GALNT14: variants seen among roughly 807,000 people sequenced by gnomAD.
GALNT14 encodes the protein polypeptide N-acetylgalactosaminyltransferase 14, also known as UDP-GalNAc:polypeptide N-acetylgalactosaminyltransferase 14.
A neutral mutation model predicts 77.5 loss-of-function variants in GALNT14; 60 were observed. The ratio of observed to expected loss-of-function variants is 0.77; its 90% confidence interval spans 0.63 to 0.96. The LOEUF is 0.96. Among genes scored for constraint, GALNT14 ranks in the 40% least tolerant of loss-of-function variants. GALNT14 has a pLI of 0.00. For missense variants in GALNT14, 710 were observed against 731.0 expected (o/e 0.97, Z 0.33); for synonymous variants, 280 against 281.7 (o/e 0.99, Z 0.06).
the GALNT14 span, among the ~76,000 whole-genome samples, chr2:30,888,912 C>A: frequency 8.6e-5 from 13 of 152,038 alleles, no homozygotes; most frequent in South Asian, 2.7e-3. Context: ...ATTGTCCCCC[C>A]CTCCACCCCC....
At chr2:30,927,004 A>AC (rs1553337972) in intron 11 of GALNT14, among the ~76,000 whole-genome samples, 6 of 151,318 alleles carry the variant, frequency 4.0e-5, no homozygotes, top group Admixed American at 3.3e-4. Context: ...TCCCCTTCCT[A>AC]TTTTTTTTTC....
At chr2:30,942,945 T>A (rs972489393) in intron 8 of GALNT14, among the ~76,000 whole-genome samples, 3 of 152,136 alleles carry the variant, frequency 2.0e-5, no homozygotes, top group Non-Finnish European at 4.4e-5. Context: ...ATGAGCCCAA[T>A]ATGACTGGTG....
intron 1 of GALNT14, among the ~76,000 whole-genome samples, chr2:31,048,595 C>A (rs6734168): frequency 0.02 from 2,805 of 137,466 alleles, 92 homozygotes; most frequent in African/African-American, 0.07. Flanking sequence ...TCCCCACCCC[C>A]ACTCCTGCCT....
At chr2:30,944,814 G>A in intron 8 of GALNT14, 44 bp downstream of exon 8, 1 of 1,454,604 alleles carries the variant, frequency 6.9e-7, no homozygotes, top group Non-Finnish European at 9.4e-7. Flanking sequence ...ACAGGATCCA[G>A]TGGTGATGGT....
At chr2:31,072,246 T>G (rs1675426187) in intron 1 of GALNT14, among the ~76,000 whole-genome samples, 1 of 142,662 alleles carries the variant, frequency 7.0e-6, no homozygotes, top group African/African-American at 2.8e-5. Flanking sequence ...GTATGTCTCC[T>G]CTCTTTTCTC....
At chr2:30,907,308 G>T (rs915761401), downstream of GALNT14, among the ~76,000 whole-genome samples, 3 of 151,734 alleles carry the variant, frequency 2.0e-5, no homozygotes, top group Admixed American at 2.0e-4. Context: ...TTGATAGACC[G>T]CTAGCAAGAC....
At chr2:31,108,056 C>T (rs1290561900) in intron 1 of GALNT14, among the ~76,000 whole-genome samples, 2 of 152,218 alleles carry the variant, frequency 1.3e-5, no homozygotes, top group Non-Finnish European at 2.9e-5. Context: ...ATATCTCTGG[C>T]TGGCTGCAAA....
chr2:31,097,572 A>G (rs765555122), intron 1 of GALNT14, among the ~76,000 whole-genome samples: 2 of 152,030 alleles, frequency 1.3e-5, no homozygotes, highest in African/African-American at 4.8e-5. Context: ...GTTATGGCCT[A>G]TAAGAAAATA....
At chr2:30,981,268 T>G (rs1230639966) in intron 2 of GALNT14, among the ~76,000 whole-genome samples, 1 of 152,226 alleles carries the variant, frequency 6.6e-6, no homozygotes, top group Non-Finnish European at 1.5e-5. Flanking sequence ...GTAATGGAAC[T>G]TGACAGTGAT....
intron 1 of GALNT14, among the ~76,000 whole-genome samples, chr2:31,008,978 G>C (rs1395346158): frequency 6.6e-6 from 1 of 152,168 alleles, no homozygotes; most frequent in African/African-American, 2.4e-5. Context: ...AGGGCCATAG[G>C]TTCCCAGGAA....
intron 1 of GALNT14, among the ~76,000 whole-genome samples, chr2:31,029,210 A>C (rs1460624660): frequency 2.0e-5 from 3 of 152,232 alleles, no homozygotes; most frequent in Non-Finnish European, 4.4e-5. Context: ...CATTTGTAAA[A>C]GGAAAGGATG....
chr2:31,125,964 C>G (rs974364495), intron 1 of GALNT14, among the ~76,000 whole-genome samples: 1 of 152,144 alleles, frequency 6.6e-6, no homozygotes, highest in Admixed American at 6.5e-5. Flanking sequence ...TCCTAAAGCA[C>G]CTTAACACTC....
intron 1 of GALNT14, among the ~76,000 whole-genome samples, chr2:31,044,642 G>C (rs1047456572): frequency 1.4e-5 from 2 of 145,728 alleles, no homozygotes; most frequent in Non-Finnish European, 3.0e-5. Flanking sequence ...TATACTACGG[G>C]TGAGGTGACT....
At chr2:30,978,812 G>A (rs1573079709) in intron 2 of GALNT14, among the ~76,000 whole-genome samples, 1 of 152,200 alleles carries the variant, frequency 6.6e-6, no homozygotes, top group South Asian at 2.1e-4. Flanking sequence ...GCATTCCTGT[G>A]CTAGCTGCTC....
Position 31,138,396 on chromosome 2 carries a change from C to G in GALNT14, c.-310G>C, listed in dbSNP as rs1263678847. 9 of 322,920 alleles carry G rather than the reference C, an allele frequency of 2.8e-5. No individual in the cohort carries two copies. The highest frequency in any genetic ancestry group is 2.6e-4 in the Admixed American group (5 of 19,004). The allele number at this position is 322,920 out of a possible 1,614,324, so 20.0% of individuals were successfully genotyped here. A position where few individuals can be genotyped will look rare whatever the true frequency, so the allele number is the denominator to read the frequency against. Reference sequence around the variant, plus strand: ...TTCCCCACGCCGCCACCGCGGCTGCCGCCGCCGCCGCCGCCGCCTTGCCCG... The same window carrying G: ...TTCCCCACGCCGCCACCGCGGCTGCGGCCGCCGCCGCCGCCGCCTTGCCCG... On this transcript the variant is annotated 5_prime_UTR_variant, in exon 1 of 15. Coordinates refer to ENST00000349752, the MANE Select transcript of GALNT14 (RefSeq NM_024572.4).
chr2:31,035,571 G>GTGTGTGTGTA (rs1553363667), intron 1 of GALNT14, among the ~76,000 whole-genome samples: 8 of 139,568 alleles, frequency 5.7e-5, no homozygotes, highest in African/African-American at 2.1e-4. Flanking sequence ...GTGTGTGTAT[G>GTGTGTGTGTA]TGTGTGTGTG....
chr2:30,956,923 C>A (rs575805757), intron 4 of GALNT14, among the ~76,000 whole-genome samples: 2 of 152,196 alleles, frequency 1.3e-5, no homozygotes, highest in African/African-American at 4.8e-5. Context: ...AGCTCACAGA[C>A]CTGCTTTTGG....
chr2:31,069,180 A>G (rs973992840), intron 1 of GALNT14, among the ~76,000 whole-genome samples: 1 of 152,234 alleles, frequency 6.6e-6, no homozygotes, highest in African/African-American at 2.4e-5. Context: ...AGCTATTTTA[A>G]AAAATAAAAA....
chr2:30,891,119 CAATATTAGAACCCCA>C, the GALNT14 span, among the ~76,000 whole-genome samples: 1 of 152,144 alleles, frequency 6.6e-6, no homozygotes. Context: ...ATATGGGCTA[CAATATTAGAACCCCA>C]AATTCCGGCA....
Sources: allele counts gnomAD v4.1 joint callset (sites outside exome capture counted in the v4.1 genomes callset), GRCh38; gene constraint gnomAD v4.1.1; transcripts MANE v1.5; gene names NCBI Gene and HGNC (gene_info 2026-07-23, HGNC 2026-07-21).